The following NXPH1 variants were observed in gnomAD, a reference collection of about 807,000 sequenced individuals.
The protein encoded by NXPH1 is neurexophilin 1.
Under a neutral mutation model 23.7 loss-of-function variants are expected in NXPH1, and 5 were observed. The observed-to-expected ratio is 0.21, with a 90% CI of 0.11 to 0.44. The LOEUF (loss-of-function observed/expected upper bound fraction) is 0.44. NXPH1 is among the 20% of genes least tolerant of loss of function. The pLI is 0.99. For missense variants in NXPH1, 324 were observed against 321.6 expected, an observed-to-expected ratio of 1.01 and a Z score of -0.06; for synonymous variants, 144 against 122.2, an observed-to-expected ratio of 1.18 and a Z score of -1.18.
chr7:8,666,323 C>T (rs975388551), intron 2 of NXPH1, among the ~76,000 whole-genome samples: 1 of 151,898 alleles, frequency 6.6e-6, no homozygotes, highest in Admixed American at 6.6e-5. Flanking sequence ...TCTTTCATTC[C>T]GATAATGTGG....
intron 2 of NXPH1, among the ~76,000 whole-genome samples, chr7:8,458,249 A>G (rs1022307040): frequency 6.6e-6 from 1 of 152,226 alleles, no homozygotes; most frequent in Non-Finnish European, 1.5e-5. Context: ...GGAATTGACT[A>G]GTAGGAAGAA....
Position 8,635,131 on chromosome 7 carries a change from C to A in NXPH1, c.55-115877C>A, listed in dbSNP as rs114322718. Among the ~76,000 whole-genome samples, 433 of 152,168 alleles carry A rather than the reference C, an allele frequency of 2.8e-3. 4 individuals carry two copies. The highest frequency in any genetic ancestry group is 9.7e-3 in the African/African-American group (404 of 41,534). On this transcript the variant is annotated intron_variant, in intron 2 of 2. Transcript: ENST00000405863. The stretch of plus-strand genomic sequence containing the variant: ...CCGTAGGCCATTTTTCTAGAGGCAA[C>A]CTAAAGTGCTGAATAAGATTTGCAA...
chr7:8,491,351 GA>G (rs1474470575), intron 2 of NXPH1, among the ~76,000 whole-genome samples: 1 of 151,940 alleles, frequency 6.6e-6, no homozygotes, highest in Non-Finnish European at 1.5e-5. Context: ...AATTGGCCTT[GA>G]AAAAGGGTAA....
intron 2 of NXPH1, among the ~76,000 whole-genome samples, chr7:8,441,376 C>T (rs1030070185): frequency 7.2e-5 from 11 of 152,038 alleles, no homozygotes; most frequent in Admixed American, 1.3e-4. Flanking sequence ...CAGCACTAAC[C>T]CCCTCCCGGA....
chr7:8,613,111 T>C (rs1455863353), intron 2 of NXPH1, among the ~76,000 whole-genome samples: 1 of 152,042 alleles, frequency 6.6e-6, no homozygotes. Flanking sequence ...TGAGTTTTCA[T>C]GCCACTACTA....
At chr7:8,445,096 T>C (rs1816376646) in intron 2 of NXPH1, among the ~76,000 whole-genome samples, 2 of 152,220 alleles carry the variant, frequency 1.3e-5, no homozygotes, top group Admixed American at 1.3e-4. Context: ...TTACATCCAG[T>C]GGAGAGCTCT....
At chr7:8,595,435 G>T (rs1819200639) in intron 2 of NXPH1, among the ~76,000 whole-genome samples, 1 of 151,898 alleles carries the variant, frequency 6.6e-6, no homozygotes, top group Admixed American at 6.6e-5. Flanking sequence ...GTTGAAAAAT[G>T]ACAACCATCT....
At chr7:8,496,558 TG>T (rs1484687828) in intron 2 of NXPH1, among the ~76,000 whole-genome samples, 1 of 152,092 alleles carries the variant, frequency 6.6e-6, no homozygotes, top group South Asian at 2.1e-4. Flanking sequence ...AAAAGAGAAT[TG>T]TGTCATGAGT....
chr7:8,594,313 T>C (rs942419503), intron 2 of NXPH1, among the ~76,000 whole-genome samples: 1 of 152,018 alleles, frequency 6.6e-6, no homozygotes, highest in Non-Finnish European at 1.5e-5. Flanking sequence ...GAAAGGGCCG[T>C]TTTGAAGTTT....
intron 2 of NXPH1, among the ~76,000 whole-genome samples, chr7:8,689,794 A>G (rs1356593015): frequency 6.6e-6 from 1 of 152,214 alleles, no homozygotes; most frequent in African/African-American, 2.4e-5. Context: ...AAACATATCT[A>G]GCTATCTATG....
intron 2 of NXPH1, among the ~76,000 whole-genome samples, chr7:8,715,702 A>G (rs1779865695): frequency 6.6e-6 from 1 of 152,206 alleles, no homozygotes; most frequent in African/African-American, 2.4e-5. Context: ...CACGGGTTAG[A>G]TAAGAGTCTT....
At chr7:8,589,507 G>A (rs1351014460) in intron 2 of NXPH1, among the ~76,000 whole-genome samples, 1 of 152,008 alleles carries the variant, frequency 6.6e-6, no homozygotes, top group Admixed American at 6.6e-5. Context: ...TGGTTTCTGA[G>A]GGAGTATGTA....
chr7:8,685,653 C>G (rs544394094), intron 2 of NXPH1, among the ~76,000 whole-genome samples: 1 of 152,064 alleles, frequency 6.6e-6, no homozygotes, highest in East Asian at 1.9e-4. Context: ...CATATGGTAG[C>G]TCAAATTTTA....
chr7:8,714,903 G>T (rs1428623861), intron 2 of NXPH1, among the ~76,000 whole-genome samples: 1 of 152,168 alleles, frequency 6.6e-6, no homozygotes, highest in Non-Finnish European at 1.5e-5. Context: ...TGCCCTGCCT[G>T]GGGTTGGGGG....
At chr7:8,689,977 C>A (rs1821200777) in intron 2 of NXPH1, among the ~76,000 whole-genome samples, 1 of 152,196 alleles carries the variant, frequency 6.6e-6, no homozygotes, top group South Asian at 2.1e-4. Flanking sequence ...TGTTACCTTA[C>A]TAAGACCATA....
At chr7:8,614,823 G>C (rs1819700755) in intron 2 of NXPH1, among the ~76,000 whole-genome samples, 2 of 151,986 alleles carry the variant, frequency 1.3e-5, no homozygotes, top group South Asian at 4.1e-4. Context: ...ATCAAAAGGA[G>C]AGATTCATTT....
intron 2 of NXPH1, among the ~76,000 whole-genome samples, chr7:8,478,822 A>G (rs1392018308): frequency 6.6e-6 from 1 of 152,060 alleles, no homozygotes; most frequent in East Asian, 1.9e-4. Flanking sequence ...TCTTTATAAC[A>G]GAACAAAATG....
At chr7:8,494,156 T>C (rs1163908698) in intron 2 of NXPH1, among the ~76,000 whole-genome samples, 2 of 150,494 alleles carry the variant, frequency 1.3e-5, no homozygotes, top group East Asian at 2.0e-4. Context: ...TCTAACTTGA[T>C]TTTTCAAATT....
intron 2 of NXPH1, among the ~76,000 whole-genome samples, chr7:8,579,032 A>G (rs944628123): frequency 1.3e-5 from 2 of 152,248 alleles, no homozygotes; most frequent in Non-Finnish European, 2.9e-5. Flanking sequence ...AGAAGCAGGC[A>G]GAGGCCAGGT....
Sources: gnomAD v4.1 joint callset for allele counts (sites outside exome capture counted in the v4.1 genomes callset) on GRCh38, gnomAD v4.1.1 for gene constraint, MANE v1.5 for transcripts, NCBI Gene and HGNC (gene_info 2026-07-23, HGNC 2026-07-21) for gene names.